STS: variants seen among roughly 807,000 people sequenced by gnomAD.
STS encodes steryl-sulfatase.
In STS, 7 loss-of-function variants were observed where a neutral mutation model predicts 26.8. The observed-to-expected ratio is 0.26, with a 90% CI of 0.15 to 0.49. STS has a LOEUF of 0.49. Ranked by LOEUF, STS falls within the 20% of genes least tolerant of loss-of-function variation. STS has a pLI of 0.98. For synonymous variants in STS, 199 were observed against 189.4 expected, an observed-to-expected ratio of 1.05 and a Z score of -0.42; for missense variants, 434 against 465.6, an observed-to-expected ratio of 0.93 and a Z score of 0.63.
chrX:7,275,850 C>A (rs754720124), intron 6 of STS, 101 bp from the exon 7 acceptor site: 1 of 997,306 alleles, frequency 1.0e-6, no homozygotes, highest in Non-Finnish European at 1.4e-6. Context: ...TTTCAAATAG[C>A]CTGCTATGAT....
chrX:7,209,462 A>C (rs1260659312), intron 2 of STS, among the ~76,000 whole-genome samples: 6 of 105,684 alleles, frequency 5.7e-5, no homozygotes, highest in African/African-American at 1.7e-4. Context: ...TTTTAAATAA[A>C]TATTTATTTA....
At chrX:7,300,642 A>G (rs1179716302) in intron 7 of STS, among the ~76,000 whole-genome samples, 2 of 111,623 alleles carry the variant, frequency 1.8e-5, no homozygotes, top group Non-Finnish European at 3.8e-5. Flanking sequence ...GAAATTAGAA[A>G]TCTGACCATT....
intron 8 of STS, among the ~76,000 whole-genome samples, chrX:7,309,557 C>CATAA (rs1279607486): frequency 9.6e-6 from 1 of 104,186 alleles, no homozygotes; most frequent in Non-Finnish European, 2.0e-5. Flanking sequence ...ATAAGTTAAA[C>CATAA]ATAAATAAAT....
intron 9 of STS, among the ~76,000 whole-genome samples, chrX:7,326,057 G>A (rs1269861776): frequency 3.6e-5 from 4 of 111,507 alleles, no homozygotes; most frequent in East Asian, 2.8e-4. Context: ...TGGTTCTTAC[G>A]ACCTGCATTG....
At chrX:7,334,543 C>T (rs1927921531) in intron 10 of STS, among the ~76,000 whole-genome samples, 2 of 111,951 alleles carry the variant, frequency 1.8e-5, no homozygotes, top group African/African-American at 3.3e-5. Context: ...CTTGCCTCAT[C>T]CTTCTTGGAG....
chrX:7,329,895 A>G (rs1161656099), intron 9 of STS, among the ~76,000 whole-genome samples: 1 of 111,424 alleles, frequency 9.0e-6, no homozygotes, highest in African/African-American at 3.3e-5. Flanking sequence ...CACAGGAAAG[A>G]TTGTTGTTGT....
At chrX:7,277,734 A>G (rs1300957521) in intron 7 of STS, among the ~76,000 whole-genome samples, 1 of 112,317 alleles carries the variant, frequency 8.9e-6, no homozygotes, top group African/African-American at 3.2e-5. Flanking sequence ...CATTCTCTCT[A>G]ACAAGATTTA....
chrX:7,256,487 G>T (rs1459914333), intron 3 of STS, among the ~76,000 whole-genome samples: 1 of 111,580 alleles, frequency 9.0e-6, no homozygotes, highest in Admixed American at 9.5e-5. Context: ...CTGTCCCTGG[G>T]GGCATGTAGA....
chrX:7,285,953 A>G (rs1190782984), intron 7 of STS, among the ~76,000 whole-genome samples: 2 of 111,958 alleles, frequency 1.8e-5, no homozygotes, highest in African/African-American at 3.2e-5. Flanking sequence ...GTTTCAGCTT[A>G]CGAGGCATAT....
At chrX:7,335,834 C>T (rs1483134501) in intron 10 of STS, among the ~76,000 whole-genome samples, 3 of 111,664 alleles carry the variant, frequency 2.7e-5, no homozygotes, top group Non-Finnish European at 1.9e-5. Context: ...TATGGCTAGC[C>T]AGTTTTCCCA....
chrX:7,156,156 A>G (rs947194905), intron 1 of STS, among the ~76,000 whole-genome samples: 2 of 110,331 alleles, frequency 1.8e-5, no homozygotes, highest in Non-Finnish European at 3.8e-5. Context: ...TATCTCAAAA[A>G]AAAAAAAAAT....
At chrX:7,216,600 G>A (rs1412950185) in intron 2 of STS, among the ~76,000 whole-genome samples, 1 of 111,905 alleles carries the variant, frequency 8.9e-6, no homozygotes, top group African/African-American at 3.2e-5. Flanking sequence ...CAGTAGATGA[G>A]AAAACATTTG....
intron 2 of STS, among the ~76,000 whole-genome samples, chrX:7,205,065 A>G (rs1011079857): frequency 1.8e-5 from 2 of 111,768 alleles, no homozygotes; most frequent in East Asian, 2.8e-4. Flanking sequence ...GGGCTTGGGC[A>G]TGTGTGGTAC....
At chrX:7,314,485 G>C (rs1926623263) in intron 8 of STS, among the ~76,000 whole-genome samples, 1 of 112,509 alleles carries the variant, frequency 8.9e-6, no homozygotes, top group African/African-American at 3.2e-5. Flanking sequence ...GTTAACATTA[G>C]TGAACACCCT....
intron 2 of STS, chrX:7,252,211 G>A (rs1923171381): frequency 1.7e-6 from 1 of 604,014 alleles, no homozygotes; most frequent in Admixed American, 9.0e-5. Context: ...CTGATGTCAG[G>A]GTCAGAGCCA....
intron 1 of STS, among the ~76,000 whole-genome samples, chrX:7,153,065 A>T (rs765549965): frequency 1.8e-5 from 2 of 111,763 alleles, no homozygotes; most frequent in South Asian, 7.6e-4. Flanking sequence ...CATGCATTCG[A>T]ATTTCCTCTG....
chrX:7,165,527 T>A (rs1263913930), intron 1 of STS, among the ~76,000 whole-genome samples: 1 of 110,887 alleles, frequency 9.0e-6, no homozygotes, highest in Non-Finnish European at 1.9e-5. Context: ...ACACCTGTAG[T>A]CCCAGCGACT....
intron 2 of STS, among the ~76,000 whole-genome samples, chrX:7,203,753 A>T (rs907343871): frequency 9.0e-6 from 1 of 110,696 alleles, no homozygotes; most frequent in African/African-American, 3.3e-5. Context: ...ACATATGCAT[A>T]TGAAACATAC....
Position 7,153,569 on chromosome X carries a change from C to T in STS, c.-134+5486C>T, listed in dbSNP as rs111213509. Among the ~76,000 whole-genome samples the T allele has an allele frequency of 3.5e-3, 337 of 95,873 alleles. 3 individuals are homozygous for T. Among genetic ancestry groups the T allele is most frequent in the African/African-American group, 0.013 (323 of 25,652 alleles). 83.3% of individuals were successfully genotyped at this position (95,873 alleles called of 115,157 possible). A position where few individuals can be genotyped will look rare whatever the true frequency, so the allele number is the denominator to read the frequency against. ...CTCTTTTCCTGTCTTCCTTCCTGTCCTCCTCCGTGACTCCCTCACTCTCTG... is the reference window on the plus strand; with the variant it reads ...CTCTTTTCCTGTCTTCCTTCCTGTCTTCCTCCGTGACTCCCTCACTCTCTG... On this transcript the variant is annotated intron_variant, in intron 1 of 10. Transcript: ENST00000674429.
Sources: allele counts gnomAD v4.1 joint callset (sites outside exome capture counted in the v4.1 genomes callset), GRCh38; gene constraint gnomAD v4.1.1; transcripts MANE v1.5; gene names NCBI Gene and HGNC (gene_info 2026-07-23, HGNC 2026-07-21).